Variants in JARID2 observed in about 807,000 individuals in gnomAD.
The protein encoded by JARID2 is jumonji and AT-rich interaction domain containing 2.
JARID2 carries 21 observed loss-of-function variants against 125.6 expected under a neutral mutation model. The ratio of observed to expected loss-of-function variants is 0.17; its 90% CI spans 0.12 to 0.24. The LOEUF (loss-of-function observed/expected upper bound fraction) is 0.24, where lower values mean the gene tolerates loss of function less well. JARID2 is among the 10% of genes least tolerant of loss of function. JARID2 has a pLI of 1.00. For synonymous variants in JARID2, 736 were observed against 661.6 expected (o/e 1.11, Z -1.73); for missense variants, 1,303 against 1,639.6 (o/e 0.79, Z 3.55).
At chr6:15,316,862 C>T (rs1194295550) in intron 1 of JARID2, among the ~76,000 whole-genome samples, 1 of 151,796 alleles carries the variant, frequency 6.6e-6, no homozygotes, top group African/African-American at 2.4e-5. Context: ...AGGATGGCTA[C>T]AGCCAGACAC....
chr6:15,489,704 C>T (rs1403527702), intron 6 of JARID2, among the ~76,000 whole-genome samples: 3 of 152,224 alleles, frequency 2.0e-5, no homozygotes, highest in Non-Finnish European at 4.4e-5. Flanking sequence ...GAAAGAGGTC[C>T]TGGGGTGCCC....
At chr6:15,378,198 A>ATTTTT (rs66993753) in intron 2 of JARID2, among the ~76,000 whole-genome samples, 1 of 140,998 alleles carries the variant, frequency 7.1e-6, no homozygotes, top group Non-Finnish European at 1.5e-5. Flanking sequence ...TCAATTTTTA[A>ATTTTT]TTTTTTTTTT....
intron 1 of JARID2, among the ~76,000 whole-genome samples, chr6:15,264,458 G>A (rs1229504723): frequency 6.6e-6 from 1 of 152,066 alleles, no homozygotes. Flanking sequence ...TTCTGGTATG[G>A]TTTTCTGTTC....
chr6:15,408,023 G>C (rs112251246), intron 2 of JARID2, among the ~76,000 whole-genome samples: 2 of 151,986 alleles, frequency 1.3e-5, no homozygotes, highest in Non-Finnish European at 2.9e-5. Flanking sequence ...CAGCACTTTG[G>C]GAGGCTGAGG....
chr6:15,350,300 A>T (rs573299876), intron 1 of JARID2, among the ~76,000 whole-genome samples: 6 of 152,306 alleles, frequency 3.9e-5, no homozygotes, highest in Admixed American at 2.6e-4. Flanking sequence ...CTGCATGTTG[A>T]CCAAGCACCT....
At chr6:15,252,418 A>T (rs1349264582) in intron 1 of JARID2, among the ~76,000 whole-genome samples, 1 of 152,070 alleles carries the variant, frequency 6.6e-6, no homozygotes, top group Non-Finnish European at 1.5e-5. Context: ...TTTAGCCTTA[A>T]TCCCCGCATG....
At chr6:15,363,692 A>G (rs1763876472) in intron 1 of JARID2, among the ~76,000 whole-genome samples, 1 of 152,212 alleles carries the variant, frequency 6.6e-6, no homozygotes, top group Non-Finnish European at 1.5e-5. Context: ...TAAGTATGCT[A>G]GTTGAAAAAT....
chr6:15,467,395 C>G (rs916470964), intron 4 of JARID2, among the ~76,000 whole-genome samples: 1 of 152,114 alleles, frequency 6.6e-6, no homozygotes, highest in Non-Finnish European at 1.5e-5. Flanking sequence ...TTTGTATTTA[C>G]TAGTTCTTTT....
At chr6:15,492,224 A>G (rs1770184465) in intron 6 of JARID2, among the ~76,000 whole-genome samples, 1 of 152,192 alleles carries the variant, frequency 6.6e-6, no homozygotes, top group Non-Finnish European at 1.5e-5. Flanking sequence ...GAGCTGAGAG[A>G]AGGAGTAACT....
intron 1 of JARID2, among the ~76,000 whole-genome samples, chr6:15,269,656 C>T (rs1188866328): frequency 1.3e-5 from 2 of 151,562 alleles, no homozygotes; most frequent in Non-Finnish European, 2.9e-5. Flanking sequence ...ATCATCCCAC[C>T]TCAGCCTCCC....
chr6:15,437,523 T>C (rs1223815454), intron 3 of JARID2, among the ~76,000 whole-genome samples: 1 of 152,150 alleles, frequency 6.6e-6, no homozygotes, highest in East Asian at 1.9e-4. Flanking sequence ...TTTAAAGTTG[T>C]ATGACATAAA....
At position 15,444,689 on chromosome 6, in the gene JARID2, C is replaced by T. The variant is rs1346160831; in HGVS notation, c.324-7317C>T. Reference sequence around the variant, plus strand: ...CCAGCTCCCACACCGGCACAAAGAGCGCAGCCATGCCGGTCATTTTGCATT... The same window carrying T: ...CCAGCTCCCACACCGGCACAAAGAGTGCAGCCATGCCGGTCATTTTGCATT... On this transcript the variant is annotated intron_variant, in intron 3 of 17. Coordinates refer to ENST00000341776, the MANE Select transcript of JARID2 (RefSeq NM_004973.4). Among the ~76,000 whole-genome samples the T allele has an allele frequency of 2.0e-5, 3 of 149,146 alleles. No homozygotes were observed. The East Asian group carries it at 5.9e-4, about 29-fold the overall frequency.
intron 6 of JARID2, among the ~76,000 whole-genome samples, chr6:15,490,657 T>C (rs1323978153): frequency 6.6e-6 from 1 of 152,216 alleles, no homozygotes; most frequent in East Asian, 1.9e-4. Flanking sequence ...GGGTAATAAT[T>C]TGGTTGTATG....
chr6:15,287,017 A>G (rs1216166475), intron 1 of JARID2, among the ~76,000 whole-genome samples: 1 of 152,114 alleles, frequency 6.6e-6, no homozygotes. Context: ...CCGGAGGCTG[A>G]GGCAGGATAA....
intron 1 of JARID2, among the ~76,000 whole-genome samples, chr6:15,332,570 T>A (rs1277221912): frequency 1.3e-5 from 2 of 152,154 alleles, no homozygotes; most frequent in African/African-American, 4.8e-5. Flanking sequence ...GTACAGCAGC[T>A]CCAGGAGAAG....
intron 1 of JARID2, among the ~76,000 whole-genome samples, chr6:15,320,316 CTG>C (rs1762310119): frequency 6.6e-6 from 1 of 152,312 alleles, no homozygotes; most frequent in African/African-American, 2.4e-5. Context: ...TAGGTTAACT[CTG>C]TTTCTTTTCC....
At chr6:15,473,531 G>A (rs1302804985) in intron 5 of JARID2, among the ~76,000 whole-genome samples, 1 of 23,654 alleles carries the variant, frequency 4.2e-5, no homozygotes, top group South Asian at 1.6e-3. Context: ...CCCCCCCCCC[G>A]CTTTGTGTCC....
At chr6:15,365,858 C>A (rs1038633714) in intron 1 of JARID2, among the ~76,000 whole-genome samples, 7 of 152,060 alleles carry the variant, frequency 4.6e-5, no homozygotes, top group Non-Finnish European at 8.8e-5. Flanking sequence ...TTCCTGGCCC[C>A]TTATTTCCAG....
chr6:15,513,102 T>A (rs1771356842), intron 15 of JARID2, 57 bp downstream of exon 15: 6 of 1,609,598 alleles, frequency 3.7e-6, no homozygotes, highest in Non-Finnish European at 4.2e-6. Flanking sequence ...CTTCGGGGGC[T>A]CACCCCCCGA....
Sources: allele counts gnomAD v4.1 joint callset (sites outside exome capture counted in the v4.1 genomes callset), GRCh38; gene constraint gnomAD v4.1.1; transcripts MANE v1.5; gene names NCBI Gene and HGNC (gene_info 2026-07-23, HGNC 2026-07-21).